PIK3C2G: variants seen among roughly 807,000 people sequenced by gnomAD.
PIK3C2G encodes phosphatidylinositol-4-phosphate 3-kinase catalytic subunit type 2 gamma.
A neutral mutation model predicts 181.1 loss-of-function variants in PIK3C2G; 168 were observed. The ratio of observed to expected loss-of-function variants is 0.93; its 90% confidence interval spans 0.82 to 1.05. PIK3C2G has a LOEUF of 1.05. Among genes scored for constraint, PIK3C2G ranks in the 50% least tolerant of loss-of-function variants. The pLI, the probability that PIK3C2G is intolerant of heterozygous loss-of-function variation, is 0.00. For synonymous variants in PIK3C2G, 573 were observed against 592.2 expected, an observed-to-expected ratio of 0.97 and a Z score of 0.47; for missense variants, 1,869 against 1,732.8, an observed-to-expected ratio of 1.08 and a Z score of -1.40.
At chr12:18,599,504 AG>A (rs1012683569) in intron 30 of PIK3C2G, among the ~76,000 whole-genome samples, 25 of 139,694 alleles carry the variant, frequency 1.8e-4, no homozygotes, top group Admixed American at 6.5e-4. Context: ...GTTGTGGGGT[AG>A]GGGGAGGCGG....
intron 6 of PIK3C2G, among the ~76,000 whole-genome samples, chr12:18,318,408 A>C (rs1372044999): frequency 1.3e-5 from 2 of 152,122 alleles, no homozygotes; most frequent in Non-Finnish European, 1.5e-5. Context: ...ATTTTACATA[A>C]GTAACCCTTG....
chr12:18,453,648 C>G (rs956830035), intron 18 of PIK3C2G, among the ~76,000 whole-genome samples: 3 of 151,930 alleles, frequency 2.0e-5, no homozygotes, highest in Non-Finnish European at 2.9e-5. Context: ...TGTAAAGCAC[C>G]TTAGGAATTC....
chr12:18,723,535 T>C, the PIK3C2G span: 1 of 1,611,592 alleles, frequency 6.2e-7, no homozygotes. Context: ...TTTCAGCCTG[T>C]CATTGTCCTA....
At chr12:18,296,847 C>T (rs1004962909) in intron 5 of PIK3C2G, among the ~76,000 whole-genome samples, 1 of 151,996 alleles carries the variant, frequency 6.6e-6, no homozygotes, top group Non-Finnish European at 1.5e-5. Context: ...TCAATTTTGT[C>T]ATACGTTCAT....
the PIK3C2G span, among the ~76,000 whole-genome samples, chr12:18,700,499 C>A: frequency 1.3e-5 from 1 of 79,316 alleles, no homozygotes; most frequent in Non-Finnish European, 2.4e-5. Flanking sequence ...ATAACCAGAT[C>A]AGAGCCAACG....
chr12:18,355,211 T>C (rs924039895), intron 11 of PIK3C2G, among the ~76,000 whole-genome samples: 2 of 152,126 alleles, frequency 1.3e-5, no homozygotes, highest in Non-Finnish European at 2.9e-5. Flanking sequence ...TGGAATCAGG[T>C]TGGGAACAAA....
chr12:18,718,996 G>A, the PIK3C2G span, among the ~76,000 whole-genome samples: 19 of 152,130 alleles, frequency 1.2e-4, no homozygotes, highest in Non-Finnish European at 2.5e-4. Context: ...CAAATGTGAA[G>A]TTGTACAATG....
intron 32 of PIK3C2G, among the ~76,000 whole-genome samples, chr12:18,644,486 G>A (rs965033960): frequency 3.3e-5 from 5 of 152,110 alleles, no homozygotes; most frequent in Non-Finnish European, 5.9e-5. Flanking sequence ...GTTGTAAGGT[G>A]TAAAGGGAAA....
chr12:18,357,102 C>G (rs932894005), intron 11 of PIK3C2G, among the ~76,000 whole-genome samples: 1 of 151,960 alleles, frequency 6.6e-6, no homozygotes, highest in African/African-American at 2.4e-5. Flanking sequence ...GAGATGACAG[C>G]TATAAAAACT....
chr12:18,685,809 C>T, the PIK3C2G span, among the ~76,000 whole-genome samples: 1 of 149,808 alleles, frequency 6.7e-6, no homozygotes, highest in Non-Finnish European at 1.5e-5. Context: ...CCCTTCCATC[C>T]TCCTCCTGTA....
At chr12:18,375,782 C>T (rs1268105554) in intron 13 of PIK3C2G, among the ~76,000 whole-genome samples, 1 of 152,218 alleles carries the variant, frequency 6.6e-6, no homozygotes, top group Non-Finnish European at 1.5e-5. Flanking sequence ...CAGGGGCTTG[C>T]TGCCCTGTGC....
chr12:18,367,647 C>T lies in PIK3C2G; in HGVS notation c.1749-3533C>T, dbSNP rs532017448. Among the ~76,000 whole-genome samples the T allele has an allele frequency of 4.6e-4, 70 of 151,072 alleles. 1 individual carries two copies. Among genetic ancestry groups the T allele is most frequent in the Non-Finnish European group, 9.8e-4 (66 of 67,676 alleles). On this transcript the variant is annotated intron_variant, in intron 12 of 32. Coordinates refer to ENST00000538779, the MANE Select transcript of PIK3C2G (RefSeq NM_001288772.2). ...TCGGCTCACTGCAACCTCCGCCTCC[C>T]GGGTTCAAGCAGTTCTCCTGCCTCA...
chr12:18,684,078 C>T, the PIK3C2G span: 1 of 1,590,362 alleles, frequency 6.3e-7, no homozygotes, highest in Non-Finnish European at 8.6e-7. Flanking sequence ...CTTTGATATA[C>T]ACAAGTTATA....
chr12:18,396,718 T>C (rs1328965262), intron 15 of PIK3C2G, among the ~76,000 whole-genome samples: 2 of 151,542 alleles, frequency 1.3e-5, no homozygotes, highest in Non-Finnish European at 3.0e-5. Flanking sequence ...ATTTAGTAAA[T>C]TATTTAATAA....
chr12:18,587,310 A>G (rs1946834476), intron 29 of PIK3C2G, among the ~76,000 whole-genome samples: 1 of 152,086 alleles, frequency 6.6e-6, no homozygotes, highest in Non-Finnish European at 1.5e-5. Context: ...CAAAAACCCC[A>G]TTGTCTCAGC....
At chr12:18,445,196 C>T (rs533380199) in intron 18 of PIK3C2G, among the ~76,000 whole-genome samples, 1 of 151,972 alleles carries the variant, frequency 6.6e-6, no homozygotes, top group East Asian at 1.9e-4. Context: ...TAGGAAAATA[C>T]TTTTTAATAA....
chr12:18,590,948 A>G (rs987249793), intron 29 of PIK3C2G, among the ~76,000 whole-genome samples: 1 of 151,920 alleles, frequency 6.6e-6, no homozygotes, highest in African/African-American at 2.4e-5. Context: ...TCAGACACCA[A>G]TTGGAAAGAT....
the PIK3C2G span, among the ~76,000 whole-genome samples, chr12:18,711,219 T>C: frequency 8.7e-5 from 13 of 149,946 alleles, no homozygotes; most frequent in African/African-American, 2.5e-5. Flanking sequence ...AAATGAAGAG[T>C]TCATGTCCTT....
chr12:18,251,708 T>C (rs1341701486), intron 1 of PIK3C2G, among the ~76,000 whole-genome samples: 13 of 152,056 alleles, frequency 8.5e-5, no homozygotes, highest in Admixed American at 8.5e-4. Flanking sequence ...TTCTTAAAAA[T>C]TAATAATAAC....
Sources: allele counts gnomAD v4.1 joint callset (sites outside exome capture counted in the v4.1 genomes callset), GRCh38; gene constraint gnomAD v4.1.1; transcripts MANE v1.5; gene names NCBI Gene and HGNC (gene_info 2026-07-23, HGNC 2026-07-21).